The following PDXDC1 variants were observed in gnomAD, a reference collection of about 807,000 sequenced individuals.
PDXDC1 encodes pyridoxal dependent decarboxylase domain containing 1.
A neutral mutation model predicts 100.1 loss-of-function variants in PDXDC1; 42 were observed. That is an observed-to-expected ratio of 0.42 (90% CI 0.33 to 0.54). The LOEUF is 0.54. Among genes scored for constraint, PDXDC1 ranks in the 20% least tolerant of loss-of-function variants. The pLI is 0.10. For missense variants in PDXDC1, 636 were observed against 979.2 expected, an observed-to-expected ratio of 0.65 and a Z score of 4.68; for synonymous variants, 260 against 371.7, an observed-to-expected ratio of 0.70 and a Z score of 3.46.
intron 17 of PDXDC1, 112 bp downstream of exon 17, chr16:15,032,018 G>T: frequency 1.0e-6 from 1 of 962,152 alleles, no homozygotes; most frequent in Non-Finnish European, 1.6e-6. Flanking sequence ...GTCACAATAT[G>T]CTTAACGAAA....
intron 16 of PDXDC1, chr16:15,086,519 A>G (rs994593343): frequency 6.3e-7 from 1 of 1,592,212 alleles, no homozygotes; most frequent in Non-Finnish European, 8.6e-7. Flanking sequence ...ATTTACAGCT[A>G]TCTTATATCA....
At chr16:15,143,685 C>T (rs916365727), downstream of PDXDC1, among the ~76,000 whole-genome samples, 6 of 152,200 alleles carry the variant, frequency 3.9e-5, no homozygotes, top group African/African-American at 1.2e-4. Flanking sequence ...GGGGTCGGGG[C>T]GTGCAACAGT....
chr16:15,041,419 G>A (rs532802457), downstream of PDXDC1, among the ~76,000 whole-genome samples: 10 of 152,212 alleles, frequency 6.6e-5, no homozygotes, highest in Admixed American at 2.0e-4. Flanking sequence ...TGGTAGACGA[G>A]GGGGCTGCAC....
intron 1 of PDXDC1, among the ~76,000 whole-genome samples, chr16:14,986,341 C>G (rs944721369): frequency 7.9e-5 from 12 of 152,272 alleles, no homozygotes; most frequent in African/African-American, 2.9e-4. Flanking sequence ...TGATGGCGGG[C>G]ACCTGGAATC....
At chr16:15,133,122 C>A in intron 16 of PDXDC1, 1 of 652,794 alleles carries the variant, frequency 1.5e-6, no homozygotes, top group Non-Finnish European at 2.7e-6. Context: ...GGGAGCGGAA[C>A]GTCGGGGTGC....
At chr16:15,131,165 C>T (rs755970846) in intron 16 of PDXDC1, 52 of 1,590,632 alleles carry the variant, frequency 3.3e-5, no homozygotes, top group African/African-American at 9.4e-5. Flanking sequence ...ACAGCACCGA[C>T]GGAGGCCTGG....
chr16:15,041,031 C>A (rs764829517), downstream of PDXDC1: 33 of 1,460,238 alleles, frequency 2.3e-5, no homozygotes, highest in Middle Eastern at 1.7e-4. Flanking sequence ...GCACATGTGA[C>A]CAAGACTCCA....
chr16:15,137,524 G>A, intron 16 of PDXDC1: 1 of 1,106,242 alleles, frequency 9.0e-7, no homozygotes, highest in South Asian at 1.3e-5. Context: ...CAGGGAGGCA[G>A]GCGACATACT....
At chr16:15,041,285 CAG>C (rs2043803742), downstream of PDXDC1, among the ~76,000 whole-genome samples, 1 of 152,098 alleles carries the variant, frequency 6.6e-6, no homozygotes, top group South Asian at 2.1e-4. Context: ...TGTCCCAAGG[CAG>C]GGGGGTTTAT....
At chr16:15,059,672 T>C (rs936379136) in intron 16 of PDXDC1, among the ~76,000 whole-genome samples, 1 of 152,196 alleles carries the variant, frequency 6.6e-6, no homozygotes, top group Admixed American at 6.5e-5. Flanking sequence ...AACTGACAGC[T>C]TTTTAGTGAA....
At chr16:15,128,908 C>T (rs2047906339) in intron 16 of PDXDC1, among the ~76,000 whole-genome samples, 2 of 149,796 alleles carry the variant, frequency 1.3e-5, no homozygotes, top group Admixed American at 6.7e-5. Context: ...CGGGTTCACG[C>T]CATTCTCCTG....
downstream of PDXDC1, among the ~76,000 whole-genome samples, chr16:15,141,219 C>T (rs1567328815): frequency 6.6e-6 from 1 of 152,220 alleles, no homozygotes; most frequent in Non-Finnish European, 1.5e-5. Flanking sequence ...GCAGCCTACC[C>T]GGCGCAGGAG....
chr16:14,991,264 GAT>G (rs1491255209), intron 1 of PDXDC1, among the ~76,000 whole-genome samples: 814 of 140,214 alleles, frequency 5.8e-3, no homozygotes, highest in African/African-American at 0.019. Flanking sequence ...TATGTATATA[GAT>G]ATGTGTGTGT....
rs192856032 is a variant in PDXDC1, at chr16:15,092,821, C to G, written c.1400-46058C>G. 2.0e-5 allele frequency among the ~76,000 whole-genome samples: 3 copies of G among 152,310 alleles called. No homozygotes were observed. In the East Asian group the frequency reaches 5.8e-4, roughly 29 times the overall value. On this transcript the variant is annotated intron_variant, in intron 16 of 16. Coordinates refer to the PDXDC1 transcript ENST00000535621. ...CTGCACTTACAGTAAAAATCCAAAT[C>G]TCTCAGTGTGGTCTTTAAGATCCTA...
upstream of PDXDC1, chr16:14,974,999 C>A (rs2151102676): frequency 6.5e-7 from 1 of 1,535,284 alleles, no homozygotes; most frequent in East Asian, 2.4e-5. Context: ...GGGCTCCGCC[C>A]AGCGCTACGG....
downstream of PDXDC1, chr16:15,039,998 G>A (rs775539900): frequency 3.1e-6 from 5 of 1,609,734 alleles, no homozygotes; most frequent in African/African-American, 1.3e-5. Flanking sequence ...CGCGCAGCAC[G>A]AAGCTGCTCC....
chr16:15,074,584 C>G, intron 16 of PDXDC1: 1 of 557,378 alleles, frequency 1.8e-6, no homozygotes. Flanking sequence ...AACTTGACCT[C>G]TTTAAATCAT....
At chr16:14,988,173 C>T (rs1969856754) in intron 1 of PDXDC1, 1 of 1,591,560 alleles carries the variant, frequency 6.3e-7, no homozygotes, top group Non-Finnish European at 8.6e-7. Context: ...CGGGTGCTTC[C>T]AAAGGATCCC....
At chr16:15,041,129 A>G (rs764008930), downstream of PDXDC1, 9 of 1,508,452 alleles carry the variant, frequency 6.0e-6, no homozygotes, top group African/African-American at 1.2e-4. Flanking sequence ...ATTCTACAAA[A>G]TAAGAATGTT....
Sources: allele counts gnomAD v4.1 joint callset (sites outside exome capture counted in the v4.1 genomes callset), GRCh38; gene constraint gnomAD v4.1.1; transcripts MANE v1.5; gene names NCBI Gene and HGNC (gene_info 2026-07-23, HGNC 2026-07-21).